Variants in ZSCAN5A observed in about 807,000 individuals in gnomAD.
The protein encoded by ZSCAN5A is zinc finger and SCAN domain-containing protein 5A.
ZSCAN5A carries 12 observed loss-of-function variants against 23.7 expected under a neutral mutation model. The ratio of observed to expected loss-of-function variants is 0.51; its 90% CI spans 0.32 to 0.82. The LOEUF is 0.82. ZSCAN5A is among the 40% of genes least tolerant of loss of function. ZSCAN5A has a pLI of 0.03. For missense variants in ZSCAN5A, 597 were observed against 617.9 expected, an observed-to-expected ratio of 0.97 and a Z score of 0.36; for synonymous variants, 257 against 239.9, an observed-to-expected ratio of 1.07 and a Z score of -0.66.
At chr19:56,243,025 C>T (rs1329304869) in intron 2 of ZSCAN5A, among the ~76,000 whole-genome samples, 14 of 152,152 alleles carry the variant, frequency 9.2e-5, no homozygotes, top group African/African-American at 2.2e-4. Flanking sequence ...GTGATCCTCC[C>T]GTCTTGGCCT....
chr19:56,327,666 T>C (rs2041447594), intron 2 of ZSCAN5A, among the ~76,000 whole-genome samples: 1 of 151,468 alleles, frequency 6.6e-6, no homozygotes, highest in Non-Finnish European at 1.5e-5. Flanking sequence ...ACTATCTAGG[T>C]ATAAATGTAT....
chr19:56,361,266 A>G (rs1568767978), intron 2 of ZSCAN5A, among the ~76,000 whole-genome samples: 1 of 152,234 alleles, frequency 6.6e-6, no homozygotes, highest in Non-Finnish European at 1.5e-5. Context: ...GGGAATGTAA[A>G]TTAATTCAAC....
intron 2 of ZSCAN5A, among the ~76,000 whole-genome samples, chr19:56,276,944 A>C (rs2147015471): frequency 6.6e-6 from 1 of 152,148 alleles, no homozygotes; most frequent in South Asian, 2.1e-4. Context: ...AAATACTTAT[A>C]TTTACAAAAA....
chr19:56,291,446 T>C (rs1383226884), intron 2 of ZSCAN5A, among the ~76,000 whole-genome samples: 1 of 152,240 alleles, frequency 6.6e-6, no homozygotes, highest in East Asian at 1.9e-4. Context: ...CGCATTAATC[T>C]GGAAGACACT....
intron 1 of ZSCAN5A, chr19:56,314,141 G>C (rs994469798): frequency 6.6e-6 from 1 of 152,318 alleles, no homozygotes; most frequent in African/African-American, 2.4e-5. Flanking sequence ...CCCTGGTATT[G>C]AGAAACTCGG....
intron 2 of ZSCAN5A, among the ~76,000 whole-genome samples, chr19:56,309,202 A>G (rs2040880736): frequency 6.6e-6 from 1 of 152,236 alleles, no homozygotes; most frequent in Non-Finnish European, 1.5e-5. Context: ...CAGACACAAA[A>G]GATCACACAG....
intron 2 of ZSCAN5A, chr19:56,272,779 C>A (rs2037946715): frequency 1.7e-5 from 12 of 716,710 alleles, no homozygotes; most frequent in Non-Finnish European, 2.1e-5. Context: ...GGTGGGTGAC[C>A]AGAGAGTCCT....
rs1389160473 is a variant in ZSCAN5A at position 56,225,154 on chromosome 19, T to A, written c.-108A>T. The A allele has an allele frequency of 1.3e-5, 19 of 1,475,586 alleles. No homozygotes were observed. The highest frequency in any genetic ancestry group is 1.7e-5 in the Non-Finnish European group (19 of 1,124,074). The allele number at this position is 1,475,586 out of a possible 1,614,324, so 91.4% of individuals were successfully genotyped here. A position where few individuals can be genotyped will look rare whatever the true frequency, so the allele number is the denominator to read the frequency against. Reference sequence around the variant, plus strand: ...TCCTCTGGTTTTCCTCAGTAATAGATTCACTGTTCATTCAGAAGTCTGGGG... The same window carrying A: ...TCCTCTGGTTTTCCTCAGTAATAGAATCACTGTTCATTCAGAAGTCTGGGG... On this transcript the variant is annotated 5_prime_UTR_variant, in exon 3 of 6. Transcript: ENST00000683990.
intron 2 of ZSCAN5A, among the ~76,000 whole-genome samples, chr19:56,242,970 A>G (rs939664165): frequency 1.7e-4 from 26 of 152,024 alleles, no homozygotes; most frequent in African/African-American, 5.8e-4. Context: ...GTAGAGACGA[A>G]GTTTCACCAT....
intron 2 of ZSCAN5A, among the ~76,000 whole-genome samples, chr19:56,233,949 G>A (rs745799465): frequency 2.6e-5 from 4 of 152,150 alleles, no homozygotes; most frequent in African/African-American, 4.8e-5. Flanking sequence ...AGTAACTCAC[G>A]CCTGTAATCC....
At chr19:56,343,778 C>A (rs1037226607) in intron 2 of ZSCAN5A, among the ~76,000 whole-genome samples, 6 of 152,070 alleles carry the variant, frequency 3.9e-5, no homozygotes, top group Non-Finnish European at 5.9e-5. Flanking sequence ...TTCCTGGTTC[C>A]TTTTACCTTG....
chr19:56,277,213 C>T lies in ZSCAN5A; in HGVS notation c.-128+36070G>A, dbSNP rs1490190607. Among the ~76,000 whole-genome samples, 3 of 152,162 alleles carry T rather than the reference C, an allele frequency of 2.0e-5. No individual in the cohort carries two copies. The East Asian group carries it at 5.8e-4, about 29-fold the overall frequency. ...TGCCCAAGATAAATGAAACGTAAGT[C>T]CACACAAAAACCCATGCACAAATGT... On this transcript the variant is annotated intron_variant, in intron 2 of 5. Transcript: ENST00000683990.
intron 2 of ZSCAN5A, among the ~76,000 whole-genome samples, chr19:56,293,717 G>A (rs563036954): frequency 3.3e-5 from 5 of 152,296 alleles, no homozygotes; most frequent in Middle Eastern, 3.4e-3. Flanking sequence ...CCCCTCAGGG[G>A]ACACCTGGCA....
At chr19:56,320,170 TG>T in intron 2 of ZSCAN5A, 1 of 707,554 alleles carries the variant, frequency 1.4e-6, no homozygotes, top group Admixed American at 1.8e-5. Flanking sequence ...AGAAACTTCC[TG>T]GTTGTTTCAA....
At chr19:56,286,476 TA>T (rs1250756841) in intron 2 of ZSCAN5A, 2 of 116,528 alleles carry the variant, frequency 1.7e-5, no homozygotes, top group Non-Finnish European at 4.4e-5. Context: ...GCTTTCTCCT[TA>T]AGTCAATAAA....
Position 56,267,142 on chromosome 19 carries a change from G to A in ZSCAN5A, c.-127-41969C>T, listed in dbSNP as rs186983581. 2.4e-3 allele frequency among the ~76,000 whole-genome samples: 362 copies of A among 152,048 alleles called. 1 individual carries two copies. The highest frequency in any genetic ancestry group is 3.8e-3 in the Non-Finnish European group (259 of 67,990). On this transcript the variant is annotated intron_variant, in intron 2 of 5. Transcript: ENST00000683990. ...GGTCTCTCCTGACAACTCTAGCTAC[G>A]GCAGCATCTCAACCCCATCGGTCTC...
intron 2 of ZSCAN5A, among the ~76,000 whole-genome samples, chr19:56,345,714 C>T (rs1166988096): frequency 6.6e-6 from 1 of 152,136 alleles, no homozygotes; most frequent in Non-Finnish European, 1.5e-5. Context: ...GAAACCCACA[C>T]TGAATGCTGT....
intron 2 of ZSCAN5A, among the ~76,000 whole-genome samples, chr19:56,299,218 A>C (rs930410544): frequency 6.6e-6 from 1 of 151,996 alleles, no homozygotes. Context: ...CACAGCCCTA[A>C]ACTCCTAGGC....
intron 2 of ZSCAN5A, among the ~76,000 whole-genome samples, chr19:56,303,228 G>A (rs192073666): frequency 4.1e-4 from 63 of 152,206 alleles, no homozygotes; most frequent in Middle Eastern, 6.8e-3. Flanking sequence ...GCTTGTCATC[G>A]CAGCACTGTG....
Sources: gnomAD v4.1 joint callset for allele counts (sites outside exome capture counted in the v4.1 genomes callset) on GRCh38, gnomAD v4.1.1 for gene constraint, MANE v1.5 for transcripts, NCBI Gene and HGNC (gene_info 2026-07-23, HGNC 2026-07-21) for gene names.